VAV3: variants seen among roughly 807,000 people sequenced by gnomAD.
VAV3 encodes the protein vav guanine nucleotide exchange factor 3, also known as guanine nucleotide exchange factor VAV3.
VAV3 carries 94 observed loss-of-function variants against 131.2 expected under a neutral mutation model. The ratio of observed to expected loss-of-function variants is 0.72; its 90% CI spans 0.61 to 0.85. The LOEUF (loss-of-function observed/expected upper bound fraction) is 0.85, where lower values mean the gene tolerates loss of function less well. Ranked by LOEUF, VAV3 falls within the 40% of genes least tolerant of loss-of-function variation. The pLI is 0.00. For synonymous variants in VAV3, 349 were observed against 342.0 expected (o/e 1.02, Z -0.22); for missense variants, 939 against 1,002.7 (o/e 0.94, Z 0.86).
rs1035746443 is a variant in VAV3, at chr1:107,578,777, C to T, written c.2351-4579G>A. 10 of 985,068 alleles carry T rather than the reference C, an allele frequency of 1.0e-5. No homozygotes were observed. The African/African-American group carries it at 1.6e-4, about 16-fold the overall frequency. 61.0% of individuals were successfully genotyped at this position (985,068 alleles called of 1,614,324 possible). A position where few individuals can be genotyped will look rare whatever the true frequency, so the allele number is the denominator to read the frequency against. Reference sequence around the variant, plus strand: ...TCTAAGTGTCCATCCTTGTGTCTCTCTCTCTGGGACTATTTTATCCATAAA... The same window carrying T: ...TCTAAGTGTCCATCCTTGTGTCTCTTTCTCTGGGACTATTTTATCCATAAA... On this transcript the variant is annotated intron_variant, in intron 25 of 26. Transcript: ENST00000370056.
chr1:107,688,762 A>G (rs1278919510), intron 17 of VAV3, among the ~76,000 whole-genome samples: 4 of 152,324 alleles, frequency 2.6e-5, no homozygotes, highest in East Asian at 3.9e-4. Context: ...TTCTTTCAAC[A>G]TGCCTCGTTT....
intron 1 of VAV3, among the ~76,000 whole-genome samples, chr1:107,913,519 G>A (rs1405249964): frequency 6.6e-6 from 1 of 152,226 alleles, no homozygotes; most frequent in East Asian, 1.9e-4. Context: ...CTCAATTCAT[G>A]AGGCAAAAGG....
intron 20 of VAV3, among the ~76,000 whole-genome samples, chr1:107,638,403 T>G (rs1307969729): frequency 6.6e-6 from 1 of 152,204 alleles, no homozygotes; most frequent in African/African-American, 2.4e-5. Context: ...ATGAACAACA[T>G]AAATTAAAAT....
At chr1:107,758,421 A>C (rs563553664) in intron 10 of VAV3, among the ~76,000 whole-genome samples, 1 of 152,068 alleles carries the variant, frequency 6.6e-6, no homozygotes, top group Non-Finnish European at 1.5e-5. Context: ...AAAAATTAAA[A>C]ATTAGCTGGG....
chr1:107,593,155 C>T (rs1318187634), intron 25 of VAV3, among the ~76,000 whole-genome samples: 1 of 152,102 alleles, frequency 6.6e-6, no homozygotes, highest in African/African-American at 2.4e-5. Context: ...AAATGTTATG[C>T]TCCTTGCCCA....
intron 5 of VAV3, among the ~76,000 whole-genome samples, chr1:107,772,412 A>T (rs1665098870): frequency 6.6e-6 from 1 of 152,206 alleles, no homozygotes; most frequent in Admixed American, 6.5e-5. Context: ...ATTTACTTTT[A>T]TAAGAGTATA....
At chr1:107,728,817 C>T (rs145672414) in intron 15 of VAV3, among the ~76,000 whole-genome samples, 191 of 152,086 alleles carry the variant, frequency 1.3e-3, no homozygotes, top group African/African-American at 4.3e-3. Context: ...AAGCCGAGGG[C>T]GCAACTATAG....
In VAV3 at chr1:107,603,624, G is replaced by A. The variant is rs561962201; in HGVS notation, c.2016-461C>T. 4.6e-5 allele frequency among the ~76,000 whole-genome samples: 7 copies of A among 151,912 alleles called. No homozygotes were observed. The East Asian group carries it at 1.4e-3, about 29-fold the overall frequency. ...AATAAGTTATTTTAAATAGTTTTTT[G>A]TTATGAGATTAATTCATTCGTCCAC... On this transcript the variant is annotated intron_variant, in intron 22 of 26. Transcript: ENST00000370056.
intron 1 of VAV3, among the ~76,000 whole-genome samples, chr1:107,909,865 A>G (rs572858789): frequency 7.2e-5 from 11 of 152,336 alleles, no homozygotes; most frequent in African/African-American, 2.6e-4. Context: ...ATATTTCATA[A>G]TAATATTTTC....
chr1:107,812,067 T>C (rs6695696), intron 2 of VAV3, among the ~76,000 whole-genome samples: 23,000 of 152,144 alleles, frequency 0.15, 2,013 homozygotes, highest in East Asian at 0.29. Context: ...ACAAATCACA[T>C]TTTCTTAGAA....
At chr1:107,680,207 A>C (rs1248414683) in intron 19 of VAV3, among the ~76,000 whole-genome samples, 1 of 150,734 alleles carries the variant, frequency 6.6e-6, no homozygotes, top group East Asian at 2.0e-4. Flanking sequence ...TATTGCAATA[A>C]CAAACACTAA....
intron 2 of VAV3, among the ~76,000 whole-genome samples, chr1:107,857,978 A>C (rs1669548189): frequency 6.6e-6 from 1 of 152,230 alleles, no homozygotes; most frequent in African/African-American, 2.4e-5. Flanking sequence ...TTTATGTAAC[A>C]AGTAATATAT....
In VAV3 at chr1:107,931,490, T is replaced by C. The variant is rs368919924; in HGVS notation, c.204+33176A>G. 2.2e-3 allele frequency among the ~76,000 whole-genome samples: 335 copies of C among 152,332 alleles called. 1 individual carries two copies. Among genetic ancestry groups the C allele is most frequent in the African/African-American group, 7.7e-3 (322 of 41,568 alleles). On this transcript the variant is annotated intron_variant, in intron 1 of 26. Transcript: ENST00000370056. ...GCAAATGTGATAACCTAGATAACCG[T>C]TGAATCCAGGTGATGGGTACATGAC...
chr1:107,775,569 C>T (rs1486284311), intron 4 of VAV3, among the ~76,000 whole-genome samples: 2 of 88,644 alleles, frequency 2.3e-5, no homozygotes, highest in East Asian at 7.3e-4. Flanking sequence ...CAGAGCAAGA[C>T]TCAGTCACAA....
At chr1:107,865,972 GAA>G (rs943957419) in intron 2 of VAV3, among the ~76,000 whole-genome samples, 1 of 152,088 alleles carries the variant, frequency 6.6e-6, no homozygotes, top group African/African-American at 2.4e-5. Context: ...CAGAAAAAGG[GAA>G]AAAGTCTCAG....
intron 1 of VAV3, among the ~76,000 whole-genome samples, chr1:107,909,795 TG>T (rs1202398985): frequency 1.3e-5 from 2 of 152,190 alleles, no homozygotes; most frequent in African/African-American, 4.8e-5. Context: ...GTTCTTTAAT[TG>T]TGTTATCTTC....
chr1:107,774,782 G>T (rs573194187), intron 4 of VAV3, among the ~76,000 whole-genome samples: 1 of 152,246 alleles, frequency 6.6e-6, no homozygotes, highest in South Asian at 2.1e-4. Context: ...AAGGGCTTCC[G>T]TTTGGGTGAA....
intron 2 of VAV3, among the ~76,000 whole-genome samples, chr1:107,798,716 C>G (rs931019822): frequency 1.2e-5 from 1 of 81,602 alleles, no homozygotes; most frequent in Admixed American, 1.4e-4. Context: ...AAGACTCCCT[C>G]TCAAAAAAAA....
At chr1:107,721,881 G>C (rs921975100) in intron 15 of VAV3, among the ~76,000 whole-genome samples, 6 of 152,196 alleles carry the variant, frequency 3.9e-5, no homozygotes, top group African/African-American at 1.4e-4. Context: ...ACAATATGGG[G>C]TGACAGTAGT....
Sources: allele counts gnomAD v4.1 joint callset (sites outside exome capture counted in the v4.1 genomes callset), GRCh38; gene constraint gnomAD v4.1.1; transcripts MANE v1.5; gene names NCBI Gene and HGNC (gene_info 2026-07-23, HGNC 2026-07-21).